Variants in EPHA6 observed in about 807,000 individuals in gnomAD.
EPHA6 encodes ephrin type-A receptor 6.
Under a neutral mutation model 112.0 loss-of-function variants are expected in EPHA6, and 50 were observed. That is an observed-to-expected ratio of 0.45 (90% CI 0.36 to 0.56). The LOEUF (loss-of-function observed/expected upper bound fraction) is 0.56, where lower values mean the gene tolerates loss of function less well. Among genes scored for constraint, EPHA6 ranks in the 20% least tolerant of loss-of-function variants. EPHA6 has a pLI of 0.00. For synonymous variants in EPHA6, 529 were observed against 490.7 expected, an observed-to-expected ratio of 1.08 and a Z score of -1.03; for missense variants, 1,280 against 1,417.4, an observed-to-expected ratio of 0.90 and a Z score of 1.56.
intron 14 of EPHA6, among the ~76,000 whole-genome samples, chr3:97,713,359 A>T (rs2034065861): frequency 6.6e-6 from 1 of 152,176 alleles, no homozygotes; most frequent in Non-Finnish European, 1.5e-5. Context: ...GAACACCCTC[A>T]TGAAGATCCT....
At chr3:97,637,171 C>G (rs909816419) in intron 13 of EPHA6, among the ~76,000 whole-genome samples, 1 of 152,084 alleles carries the variant, frequency 6.6e-6, no homozygotes, top group Admixed American at 6.6e-5. Flanking sequence ...GGGATTGATA[C>G]TGATACCATG....
intron 3 of EPHA6, among the ~76,000 whole-genome samples, chr3:97,078,264 G>A (rs981961370): frequency 2.0e-5 from 3 of 152,096 alleles, no homozygotes; most frequent in African/African-American, 7.2e-5. Context: ...TTGTAAATTT[G>A]TTTAAGTTCT....
At chr3:97,074,040 A>T (rs1246231854) in intron 3 of EPHA6, among the ~76,000 whole-genome samples, 2 of 150,752 alleles carry the variant, frequency 1.3e-5, no homozygotes, top group Non-Finnish European at 2.9e-5. Flanking sequence ...TGCTATTTCT[A>T]TGCAAATTGA....
chr3:97,347,607 A>G (rs952543461), intron 5 of EPHA6, among the ~76,000 whole-genome samples: 2 of 152,072 alleles, frequency 1.3e-5, no homozygotes, highest in African/African-American at 4.8e-5. Flanking sequence ...CTCCTAGAAA[A>G]AAATTTGGAG....
In EPHA6 at chr3:97,592,702, CA is replaced by C. The variant is rs2093556341; in HGVS notation, c.2478del (p.Gly828GlufsTer14). ...AGCATCCAGGCCCCGCATCCAGTGC[CA>C]GGGGGAGGATCTTTGCCCCCCAGGA... ...LNSIQAPHPVPGGGSLPPRIP... is the reference protein window; with the variant it reads ...LNSIQAPHPVXGGGSLPPRIP... On this transcript the variant is annotated frameshift_variant, in exon 12 of 18. Coordinates refer to ENST00000389672, the MANE Select transcript of EPHA6 (RefSeq NM_001080448.3). LOFTEE classifies it high-confidence loss of function. The C allele has an allele frequency of 6.9e-6, 11 of 1,605,726 alleles. No individual in the cohort carries two copies. Among genetic ancestry groups the C allele is most frequent in the African/African-American group, 1.3e-5 (1 of 74,436 alleles).
intron 13 of EPHA6, among the ~76,000 whole-genome samples, chr3:97,618,772 A>G (rs568046520): frequency 5.2e-4 from 79 of 152,178 alleles, no homozygotes; most frequent in African/African-American, 1.8e-3. Flanking sequence ...AATAATAAAT[A>G]GCTTTCCAAC....
At chr3:97,707,759 T>C (rs2033756841) in intron 14 of EPHA6, among the ~76,000 whole-genome samples, 1 of 152,154 alleles carries the variant, frequency 6.6e-6, no homozygotes, top group African/African-American at 2.4e-5. Context: ...GATTGGATCA[T>C]GGGACCAGTT....
chr3:97,226,229 A>C, intron 3 of EPHA6, 35 bp from the exon 4 acceptor site: 1 of 1,557,092 alleles, frequency 6.4e-7, no homozygotes, highest in Non-Finnish European at 8.7e-7. Context: ...TCCTAGCAAT[A>C]ATAACTAAAA....
intron 11 of EPHA6, among the ~76,000 whole-genome samples, chr3:97,542,340 C>T (rs917536980): frequency 7.2e-5 from 11 of 151,958 alleles, no homozygotes; most frequent in South Asian, 2.1e-4. Context: ...CGAGAGCATG[C>T]GGTGTTTGGT....
At chr3:97,043,701 G>T (rs573163534) in intron 3 of EPHA6, among the ~76,000 whole-genome samples, 1 of 152,056 alleles carries the variant, frequency 6.6e-6, no homozygotes, top group Non-Finnish European at 1.5e-5. Context: ...TACTAGCCAA[G>T]ATAGGAAGCA....
intron 3 of EPHA6, among the ~76,000 whole-genome samples, chr3:97,177,062 T>C (rs2076856211): frequency 6.6e-6 from 1 of 151,814 alleles, no homozygotes; most frequent in South Asian, 2.1e-4. Context: ...CTTTATCCCA[T>C]AGGTATTTTA....
At chr3:97,704,371 G>A (rs555356170) in intron 14 of EPHA6, among the ~76,000 whole-genome samples, 10 of 152,216 alleles carry the variant, frequency 6.6e-5, no homozygotes, top group Admixed American at 3.3e-4. Context: ...GCAGAGGAAC[G>A]GTGAATTCTC....
chr3:96,982,872 G>A (rs976320403), intron 2 of EPHA6, among the ~76,000 whole-genome samples: 4 of 152,068 alleles, frequency 2.6e-5, no homozygotes, highest in Non-Finnish European at 4.4e-5. Flanking sequence ...GACTAGGATT[G>A]CAACCCCTGC....
rs1301264153 is a variant in EPHA6 at position 97,754,140 on chromosome 3, G to A, written c.*5439G>A. Among the ~76,000 whole-genome samples, 1 of 141,332 alleles carries A rather than the reference G, an allele frequency of 7.1e-6. No individual in the cohort carries two copies. The highest frequency in any genetic ancestry group is 1.5e-5 in the Non-Finnish European group (1 of 66,494). The allele number at this position is 141,332 out of a possible 152,430, so 92.7% of individuals were successfully genotyped here. A position where few individuals can be genotyped will look rare whatever the true frequency, so the allele number is the denominator to read the frequency against. On this transcript the variant is annotated 3_prime_UTR_variant, in exon 18 of 18. Coordinates refer to ENST00000389672, the MANE Select transcript of EPHA6 (RefSeq NM_001080448.3). ...TTTCCCTCTTGTTGCCCAGGCTGGA[G>A]TGCAATGGTGCAATCTTGGCTCACC...
At chr3:97,677,615 G>C (rs1469242256) in intron 14 of EPHA6, among the ~76,000 whole-genome samples, 3 of 151,932 alleles carry the variant, frequency 2.0e-5, no homozygotes, top group Non-Finnish European at 4.4e-5. Flanking sequence ...CAGCTATTTG[G>C]GTGGTTGAGG....
At chr3:97,107,210 G>T (rs1559732521) in intron 3 of EPHA6, among the ~76,000 whole-genome samples, 1 of 152,056 alleles carries the variant, frequency 6.6e-6, no homozygotes, top group Non-Finnish European at 1.5e-5. Context: ...CAAAAGTGAT[G>T]TTTTCATTGA....
chr3:97,238,396 T>G (rs2078742168), intron 4 of EPHA6, among the ~76,000 whole-genome samples: 1 of 152,000 alleles, frequency 6.6e-6, no homozygotes, highest in Admixed American at 6.6e-5. Context: ...CTATGTGCAA[T>G]ATAATTCTTA....
At chr3:97,355,498 A>T (rs2084024682) in intron 5 of EPHA6, among the ~76,000 whole-genome samples, 1 of 152,158 alleles carries the variant, frequency 6.6e-6, no homozygotes, top group Admixed American at 6.6e-5. Flanking sequence ...TGCAAGCCTC[A>T]TGATAACCCC....
chr3:97,308,329 C>G (rs1020653540), intron 5 of EPHA6, among the ~76,000 whole-genome samples: 2 of 151,730 alleles, frequency 1.3e-5, no homozygotes, highest in Admixed American at 1.3e-4. Context: ...CCGTAGGGAA[C>G]CCACCACCTA....
Sources: gnomAD v4.1 joint callset for allele counts (sites outside exome capture counted in the v4.1 genomes callset) on GRCh38, gnomAD v4.1.1 for gene constraint, MANE v1.5 for transcripts, NCBI Gene and HGNC (gene_info 2026-07-23, HGNC 2026-07-21) for gene names.